Variants in PIEZO2 observed in about 807,000 individuals in gnomAD.
PIEZO2 encodes the protein piezo type mechanosensitive ion channel component 2.
PIEZO2 carries 172 observed loss-of-function variants against 337.3 expected under a neutral mutation model. The ratio of observed to expected loss-of-function variants is 0.51; its 90% CI spans 0.45 to 0.58. The LOEUF (loss-of-function observed/expected upper bound fraction) is 0.58. Among genes scored for constraint, PIEZO2 ranks in the 20% least tolerant of loss-of-function variants. PIEZO2 has a pLI of 0.00. For synonymous variants in PIEZO2, 1,251 were observed against 1,228.5 expected, an observed-to-expected ratio of 1.02 and a Z score of -0.38; for missense variants, 3,028 against 3,391.3, an observed-to-expected ratio of 0.89 and a Z score of 2.66.
rs746058777 is a variant in PIEZO2, at chr18:10,780,344, C to A, written c.2515G>T (p.Val839Leu). 2.8e-6 allele frequency: 2 copies of A among 702,774 alleles called. No individual in the cohort carries two copies. Among genetic ancestry groups the A allele is most frequent in the East Asian group, 2.7e-5 (1 of 37,284 alleles). The allele number at this position is 702,774 out of a possible 1,614,324, so 43.5% of individuals were successfully genotyped here. The change falls in exon 18 of 56, where the codon GTA becomes TTA. Residue 839 changes from valine to leucine, a missense_variant. Coordinates refer to ENST00000674853, the MANE Select transcript of PIEZO2 (RefSeq NM_001378183.1). ...ACCCACCTATTTATTATTAGATATA[C>A]GCGACCATTGACTTTGGCATGGCTA... is the stretch of plus-strand genomic sequence containing the variant. ...IYSHAKVNGR[V>L]YLIINSIKKK...
chr18:10,718,291 A>G (rs776173239), intron 36 of PIEZO2, 32 bp from the exon 37 acceptor site: 11 of 1,505,578 alleles, frequency 7.3e-6, no homozygotes, highest in South Asian at 4.8e-5. Flanking sequence ...GATGAGTTAA[A>G]TTCCATCTAG....
chr18:10,913,968 G>A (rs2145090086), intron 3 of PIEZO2, among the ~76,000 whole-genome samples: 1 of 152,186 alleles, frequency 6.6e-6, no homozygotes, highest in South Asian at 2.1e-4. Context: ...ATACCCTAGA[G>A]GTTTGGATTT....
chr18:11,099,960 C>T lies in PIEZO2; in HGVS notation c.65-33738G>A, dbSNP rs936815206. The stretch of plus-strand genomic sequence containing the variant: ...TTAATTATATAATCACAAATGTTTT[C>T]TCCTAGTATGTCATTTGTCTTCATA... On this transcript the variant is annotated intron_variant, in intron 1 of 55. Coordinates refer to ENST00000674853, the MANE Select transcript of PIEZO2 (RefSeq NM_001378183.1). This position sits in a 1 kb window ranked among gnomAD's most constrained non-coding sequence, Gnocchi z 5.4. Among the ~76,000 whole-genome samples the T allele has an allele frequency of 7.2e-5, 11 of 152,020 alleles. No homozygotes were observed. Among genetic ancestry groups the T allele is most frequent in the Non-Finnish European group, 1.6e-4 (11 of 68,002 alleles).
chr18:10,949,744 G>C (rs1156452852), intron 3 of PIEZO2, among the ~76,000 whole-genome samples: 2 of 152,222 alleles, frequency 1.3e-5, no homozygotes. Flanking sequence ...CCTCTAAGAA[G>C]TCATTATCAG....
chr18:10,702,970 G>A (rs964914013), intron 42 of PIEZO2, among the ~76,000 whole-genome samples: 1 of 152,100 alleles, frequency 6.6e-6, no homozygotes, highest in Non-Finnish European at 1.5e-5. Context: ...TCCCACCTCT[G>A]CCTCCCAAGT....
intron 7 of PIEZO2, among the ~76,000 whole-genome samples, chr18:10,848,529 TAA>T: frequency 6.6e-6 from 1 of 152,210 alleles, no homozygotes. Context: ...TACATTTATT[TAA>T]GAGAGAATGC....
intron 1 of PIEZO2, among the ~76,000 whole-genome samples, chr18:11,107,831 C>T (rs1474205089): frequency 6.6e-6 from 1 of 152,208 alleles, no homozygotes; most frequent in Non-Finnish European, 1.5e-5. Flanking sequence ...GAAACACATC[C>T]TCCTCCCTGA....
At chr18:11,113,877 C>A (rs1034953267) in intron 1 of PIEZO2, among the ~76,000 whole-genome samples, 2 of 152,188 alleles carry the variant, frequency 1.3e-5, no homozygotes, top group African/African-American at 4.8e-5. Context: ...ACCACATAAT[C>A]CTTTCAGATG....
intron 7 of PIEZO2, among the ~76,000 whole-genome samples, chr18:10,832,800 C>G (rs1037834316): frequency 3.9e-5 from 6 of 152,150 alleles, no homozygotes; most frequent in African/African-American, 1.4e-4. Flanking sequence ...TTCTCAGACC[C>G]GGGCCATGGA....
At chr18:10,774,925 C>G (rs868254954) in intron 18 of PIEZO2, among the ~76,000 whole-genome samples, 2 of 152,080 alleles carry the variant, frequency 1.3e-5, no homozygotes, top group African/African-American at 4.8e-5. Context: ...TAATTTTCTA[C>G]CAAATGAGGA....
rs1258751157 is a variant in PIEZO2, at chr18:10,677,046, C to T, written c.8081+701G>A. ...AATCAGCATGATGATTTCTAGTGTG[C>T]CCCAAAATGGGTCCCAATAGCTGAG... On this transcript the variant is annotated intron_variant, in intron 53 of 55. Coordinates refer to ENST00000674853, the MANE Select transcript of PIEZO2 (RefSeq NM_001378183.1). This position sits in a 1 kb window ranked among gnomAD's most constrained non-coding sequence, Gnocchi z 4.1. 6.6e-6 allele frequency among the ~76,000 whole-genome samples: 1 copy of T among 152,108 alleles called. No individual in the cohort carries two copies. The highest frequency in any genetic ancestry group is 6.6e-5 in the Admixed American group (1 of 15,264).
chr18:10,941,466 C>T (rs1017516725), intron 3 of PIEZO2, among the ~76,000 whole-genome samples: 1 of 152,198 alleles, frequency 6.6e-6, no homozygotes, highest in Non-Finnish European at 1.5e-5. Context: ...CACACAAATT[C>T]ACACATCCTA....
intron 2 of PIEZO2, among the ~76,000 whole-genome samples, chr18:11,059,092 G>A (rs1363490122): frequency 1.3e-5 from 2 of 152,084 alleles, no homozygotes; most frequent in African/African-American, 2.4e-5. Context: ...AGAGAGTGGG[G>A]GCCAATATTC....
At chr18:10,763,582 G>C (rs2038229904) in intron 21 of PIEZO2, among the ~76,000 whole-genome samples, 1 of 152,212 alleles carries the variant, frequency 6.6e-6, no homozygotes, top group Non-Finnish European at 1.5e-5. Context: ...TTGAAAGTGT[G>C]AAGTGCAACA....
intron 31 of PIEZO2, 109 bp from the exon 32 acceptor site, chr18:10,742,724 T>A: frequency 8.9e-7 from 1 of 1,127,426 alleles, no homozygotes. Flanking sequence ...GTGGACAAAC[T>A]ACTTTGGAAT....
intron 21 of PIEZO2, chr18:10,763,327 C>T: frequency 1.8e-6 from 1 of 542,810 alleles, no homozygotes; most frequent in Non-Finnish European, 3.3e-6. Context: ...CATCAGGTGA[C>T]ATCAATATCA....
At chr18:10,951,138 G>A (rs554357916) in intron 3 of PIEZO2, among the ~76,000 whole-genome samples, 1 of 152,172 alleles carries the variant, frequency 6.6e-6, no homozygotes, top group African/African-American at 2.4e-5. Context: ...GCAACCACCT[G>A]CTGCAATTCT....
At chr18:10,700,427 ATTT>A (rs1383538205) in intron 43 of PIEZO2, among the ~76,000 whole-genome samples, 1 of 151,846 alleles carries the variant, frequency 6.6e-6, no homozygotes, top group Non-Finnish European at 1.5e-5. Flanking sequence ...TTTAATTAAA[ATTT>A]TTAACATAAT....
rs1423077789 is a variant in PIEZO2 at position 10,861,629 on chromosome 18, A to T, written c.493-4418T>A. Among the ~76,000 whole-genome samples, 2 of 152,260 alleles carry T rather than the reference A, an allele frequency of 1.3e-5. No homozygotes were observed. The highest frequency in any genetic ancestry group is 4.8e-5 in the African/African-American group (2 of 41,472). ...GAGGCCAGGGACCTGGAAAGGGCAG[A>T]TGCTGATCAAGGGGTACAAAATTTC... On this transcript the variant is annotated intron_variant, in intron 5 of 55. Transcript: ENST00000674853. This position sits in a 1 kb window ranked among gnomAD's most constrained non-coding sequence, Gnocchi z 4.3.
Sources: allele counts gnomAD v4.1 joint callset (sites outside exome capture counted in the v4.1 genomes callset), GRCh38; gene constraint gnomAD v4.1.1; non-coding constraint Gnocchi (gnomAD v3.1); transcripts MANE v1.5; gene names NCBI Gene and HGNC (gene_info 2026-07-23, HGNC 2026-07-21).